LINGO2: variants seen among roughly 807,000 people sequenced by gnomAD.
LINGO2 encodes leucine-rich repeat and immunoglobulin-like domain-containing nogo receptor-interacting protein 2.
In LINGO2, 14 loss-of-function variants were observed where a neutral mutation model predicts 30.6. The observed-to-expected ratio is 0.46, with a 90% CI of 0.30 to 0.72. The LOEUF is 0.72. LINGO2 is among the 30% of genes least tolerant of loss of function. The pLI, the probability that LINGO2 is intolerant of heterozygous loss-of-function variation, is 0.07. For missense variants in LINGO2, 729 were observed against 751.7 expected, an observed-to-expected ratio of 0.97 and a Z score of 0.35; for synonymous variants, 317 against 288.5, an observed-to-expected ratio of 1.10 and a Z score of -1.00.
intron 2 of LINGO2, among the ~76,000 whole-genome samples, chr9:28,388,945 G>A (rs974515324): frequency 4.6e-5 from 7 of 151,924 alleles, no homozygotes; most frequent in African/African-American, 1.7e-4. Flanking sequence ...AATGAATTCA[G>A]GATGCAAACC....
the LINGO2 span, among the ~76,000 whole-genome samples, chr9:29,159,778 A>G: frequency 6.6e-6 from 1 of 151,774 alleles, no homozygotes; most frequent in South Asian, 2.1e-4. Context: ...GAATCGCTTG[A>G]ACCCAGGAGG....
intron 1 of LINGO2, among the ~76,000 whole-genome samples, chr9:28,652,870 A>C (rs976561127): frequency 2.0e-5 from 3 of 152,032 alleles, no homozygotes; most frequent in Admixed American, 1.3e-4. Flanking sequence ...TTAAGGTCAA[A>C]AGCCTCATAG....
intron 4 of LINGO2, among the ~76,000 whole-genome samples, chr9:28,260,279 AC>A (rs1269419505): frequency 6.6e-6 from 1 of 151,378 alleles, no homozygotes; most frequent in African/African-American, 2.4e-5. Flanking sequence ...TTTAGGTTGA[AC>A]TGCCAAGAGA....
At chr9:28,297,589 G>A (rs1823970020) in intron 3 of LINGO2, among the ~76,000 whole-genome samples, 1 of 152,166 alleles carries the variant, frequency 6.6e-6, no homozygotes, top group Admixed American at 6.5e-5. Context: ...TGTGACCAGA[G>A]CTGGGAAATT....
At chr9:29,116,793 C>G in the LINGO2 span, among the ~76,000 whole-genome samples, 3 of 152,050 alleles carry the variant, frequency 2.0e-5, no homozygotes, top group African/African-American at 7.2e-5. Flanking sequence ...TGCAGCACAT[C>G]GTTAAGTGGC....
At chr9:29,147,357 C>A in the LINGO2 span, among the ~76,000 whole-genome samples, 11 of 152,140 alleles carry the variant, frequency 7.2e-5, no homozygotes, top group African/African-American at 1.9e-4. Context: ...CATAAAGTAT[C>A]TGTGATTGAA....
chr9:28,856,802 C>T, the LINGO2 span, among the ~76,000 whole-genome samples: 1 of 151,884 alleles, frequency 6.6e-6, no homozygotes, highest in Admixed American at 6.6e-5. Context: ...AGACAGACCA[C>T]TTAGAAGGGT....
chr9:28,372,316 T>A (rs1427207804), intron 3 of LINGO2, among the ~76,000 whole-genome samples: 3 of 152,220 alleles, frequency 2.0e-5, no homozygotes, highest in Non-Finnish European at 2.9e-5. Flanking sequence ...TCTCTGCTAC[T>A]TTCATATTGT....
intron 4 of LINGO2, among the ~76,000 whole-genome samples, chr9:28,182,014 T>TG (rs1554683330): frequency 1.3e-5 from 2 of 150,632 alleles, no homozygotes; most frequent in African/African-American, 4.9e-5. Context: ...AAGACAACCC[T>TG]AAAAAAAAAG....
Position 28,329,228 on chromosome 9 carries a change from C to A in LINGO2, c.-245-33862G>T, listed in dbSNP as rs1825334485. Among the ~76,000 whole-genome samples, 1 of 152,168 alleles carries A rather than the reference C, an allele frequency of 6.6e-6. No individual in the cohort carries two copies. Reference sequence around the variant, plus strand: ...CCTAATAGTCTAATTGTGCTCAGCTCATTTTGCCTCTGTCCAAAAGTGGGA... The same window carrying A: ...CCTAATAGTCTAATTGTGCTCAGCTAATTTTGCCTCTGTCCAAAAGTGGGA... On this transcript the variant is annotated intron_variant, in intron 3 of 5. Transcript: ENST00000379992. This position sits in a 1 kb window ranked among gnomAD's most constrained non-coding sequence, Gnocchi z 4.5.
chr9:28,976,137 T>C, the LINGO2 span, among the ~76,000 whole-genome samples: 1 of 152,178 alleles, frequency 6.6e-6, no homozygotes, highest in Non-Finnish European at 1.5e-5. Context: ...AGAGGATAAA[T>C]AGATGGTGCC....
At chr9:28,817,163 G>A in the LINGO2 span, among the ~76,000 whole-genome samples, 2 of 151,982 alleles carry the variant, frequency 1.3e-5, no homozygotes, top group Non-Finnish European at 2.9e-5. Flanking sequence ...ATCAGTAGGA[G>A]GTGCTCAGAA....
the LINGO2 span, among the ~76,000 whole-genome samples, chr9:28,734,804 G>A: frequency 3.3e-5 from 5 of 152,074 alleles, no homozygotes; most frequent in East Asian, 3.9e-4. Context: ...AGTCCCACTC[G>A]GCATCTCCAC....
intron 2 of LINGO2, among the ~76,000 whole-genome samples, chr9:28,443,887 G>A (rs1438073688): frequency 6.6e-6 from 1 of 152,160 alleles, no homozygotes; most frequent in East Asian, 1.9e-4. Context: ...TCTGAAGCCT[G>A]GGTCTGGGCT....
At chr9:28,149,189 A>G (rs1827908345) in intron 4 of LINGO2, 2 of 1,269,408 alleles carry the variant, frequency 1.6e-6, no homozygotes. Flanking sequence ...GCTGCTTAGG[A>G]GGAGAAAGAA....
the LINGO2 span, among the ~76,000 whole-genome samples, chr9:29,117,505 C>A: frequency 6.6e-6 from 1 of 152,294 alleles, no homozygotes; most frequent in African/African-American, 2.4e-5. Context: ...GTAATGTGAA[C>A]ATCACAGAGT....
At chr9:28,863,524 T>C in the LINGO2 span, 1 of 444,936 alleles carries the variant, frequency 2.2e-6, no homozygotes, top group Admixed American at 2.5e-5. Context: ...TTACCAGGGA[T>C]CTCTTGACTT....
intron 4 of LINGO2, among the ~76,000 whole-genome samples, chr9:28,015,849 A>C (rs1210143045): frequency 3.3e-5 from 5 of 152,132 alleles, no homozygotes; most frequent in Non-Finnish European, 4.4e-5. Flanking sequence ...ATTGGATATA[A>C]CTATGCACCC....
the LINGO2 span, among the ~76,000 whole-genome samples, chr9:28,897,315 A>G: frequency 6.6e-6 from 1 of 152,168 alleles, no homozygotes; most frequent in African/African-American, 2.4e-5. Context: ...AGGACATGAC[A>G]GAGACAATCC....
Sources: allele counts gnomAD v4.1 joint callset (sites outside exome capture counted in the v4.1 genomes callset), GRCh38; gene constraint gnomAD v4.1.1; non-coding constraint Gnocchi (gnomAD v3.1); transcripts MANE v1.5; gene names NCBI Gene and HGNC (gene_info 2026-07-23, HGNC 2026-07-21).